The following HECTD2 variants were observed in gnomAD, a reference collection of about 807,000 sequenced individuals.
HECTD2 encodes probable E3 ubiquitin-protein ligase HECTD2.
In HECTD2, 35 loss-of-function variants were observed where a neutral mutation model predicts 103.2. The observed-to-expected ratio is 0.34, with a 90% CI of 0.26 to 0.45. The LOEUF is 0.45. Among genes scored for constraint, HECTD2 ranks in the 20% least tolerant of loss-of-function variants. The pLI, the probability that HECTD2 is intolerant of heterozygous loss-of-function variation, is 1.00. For synonymous variants in HECTD2, 281 were observed against 329.9 expected (o/e 0.85, Z 1.61); for missense variants, 596 against 937.4 (o/e 0.64, Z 4.76).
At chr10:91,472,886 T>C (rs1845776095) in intron 5 of HECTD2, among the ~76,000 whole-genome samples, 1 of 152,020 alleles carries the variant, frequency 6.6e-6, no homozygotes, top group African/African-American at 2.4e-5. Context: ...TGGAGACTGC[T>C]GGAAAAAGAA....
At chr10:91,433,262 C>G (rs1843971154) in intron 2 of HECTD2, among the ~76,000 whole-genome samples, 1 of 151,916 alleles carries the variant, frequency 6.6e-6, no homozygotes, top group African/African-American at 2.4e-5. Context: ...GGTAACACAT[C>G]TATTTGTTTC....
chr10:91,449,955 A>G (rs1320828036), intron 2 of HECTD2, among the ~76,000 whole-genome samples: 1 of 152,216 alleles, frequency 6.6e-6, no homozygotes, highest in Admixed American at 6.5e-5. Context: ...CATACTGCCC[A>G]AAGTAATTTA....
At position 91,473,614 on chromosome 10, in the gene HECTD2, C is replaced by CA. The variant is rs1845805246; in HGVS notation, c.601-4585dup. On this transcript the variant is annotated intron_variant, in intron 5 of 20. Coordinates refer to ENST00000298068, the MANE Select transcript of HECTD2 (RefSeq NM_182765.6). ...TCTGCCATGTCTGAGACAGGAAGAC[C>CA]AACTCCTCCTCTTCAGCCTCCTCCT... Among the ~76,000 whole-genome samples, 2 of 152,140 alleles carry CA rather than the reference C, an allele frequency of 1.3e-5. 1 individual carries two copies. The highest frequency in any genetic ancestry group is 4.1e-4 in the South Asian group (2 of 4,824).
chr10:91,497,960 G>A lies in HECTD2; in HGVS notation c.1681-148G>A, dbSNP rs536201259. ...ATGATTTTTTTCTTAGCCTCTGGAT[G>A]GTAGAAATCATTAACCATTTTGTGC... On this transcript the variant is annotated intron_variant, in intron 15 of 20. Coordinates refer to ENST00000298068, the MANE Select transcript of HECTD2 (RefSeq NM_182765.6). 2.9e-5 allele frequency: 17 copies of A among 585,020 alleles called. No homozygotes were observed. In the East Asian group the frequency reaches 4.3e-4, roughly 15 times the overall value. The allele number at this position is 585,020 out of a possible 1,614,324, so 36.2% of individuals were successfully genotyped here.
At position 91,472,432 on chromosome 10, in the gene HECTD2, C is replaced by T. The variant is rs542472430; in HGVS notation, c.601-5769C>T. Among the ~76,000 whole-genome samples the T allele has an allele frequency of 1.1e-4, 16 of 152,072 alleles. No homozygotes were observed. The East Asian group carries it at 1.9e-3, about 18-fold the overall frequency. ...ATGAAAAAGATGCCAAAAGCAATTGCGACAAAAACAAAAATTGATGAATGT... is the reference window on the plus strand; with the variant it reads ...ATGAAAAAGATGCCAAAAGCAATTGTGACAAAAACAAAAATTGATGAATGT... On this transcript the variant is annotated intron_variant, in intron 5 of 20. Transcript: ENST00000298068.
At chr10:91,412,667 A>AGT (rs1314470659) in intron 1 of HECTD2, among the ~76,000 whole-genome samples, 4 of 56,698 alleles carry the variant, frequency 7.1e-5, no homozygotes, top group Admixed American at 1.6e-4. Flanking sequence ...TCTGTGGCAG[A>AGT]ATGTGTGTGT....
At chr10:91,462,597 T>G in intron 5 of HECTD2, 2 of 1,044,710 alleles carry the variant, frequency 1.9e-6, no homozygotes, top group Non-Finnish European at 2.3e-6. Context: ...AATTTTCATT[T>G]GTAACAAGTT....
At chr10:91,508,825 A>G (rs1350028529) in intron 20 of HECTD2, among the ~76,000 whole-genome samples, 20 of 152,024 alleles carry the variant, frequency 1.3e-4, no homozygotes, top group Non-Finnish European at 2.5e-4. Context: ...ACAGGCACAC[A>G]TATGTTTATT....
At chr10:91,438,886 G>A (rs752921165) in intron 2 of HECTD2, among the ~76,000 whole-genome samples, 53 of 152,152 alleles carry the variant, frequency 3.5e-4, no homozygotes, top group Non-Finnish European at 5.7e-4. Context: ...CTTTTAAGAG[G>A]TGTCTGTTCA....
intron 2 of HECTD2, among the ~76,000 whole-genome samples, chr10:91,455,027 C>T (rs1455856661): frequency 6.6e-6 from 1 of 152,164 alleles, no homozygotes; most frequent in Non-Finnish European, 1.5e-5. Context: ...CCGCAATAAA[C>T]ATACGTGTGC....
At chr10:91,410,038 C>A (rs1459708563), upstream of HECTD2, among the ~76,000 whole-genome samples, 1 of 152,286 alleles carries the variant, frequency 6.6e-6, no homozygotes, top group African/African-American at 2.4e-5. Context: ...CTGCGCGGCC[C>A]GGGTGCGGGG....
chr10:91,485,154 CT>C, intron 9 of HECTD2, 25 bp from the exon 10 acceptor site: 1 of 1,477,486 alleles, frequency 6.8e-7, no homozygotes, highest in Non-Finnish European at 9.2e-7. Flanking sequence ...TGGAAAAAGT[CT>C]TTATGTTAGA....
intron 2 of HECTD2, among the ~76,000 whole-genome samples, chr10:91,430,661 T>G (rs865857771): frequency 1.2e-4 from 19 of 152,112 alleles, no homozygotes; most frequent in African/African-American, 2.2e-4. Flanking sequence ...TTTGATCTTT[T>G]TTGGTTTAAA....
chr10:91,422,163 C>G (rs1589460361), intron 1 of HECTD2, among the ~76,000 whole-genome samples: 1 of 152,122 alleles, frequency 6.6e-6, no homozygotes, highest in Non-Finnish European at 1.5e-5. Flanking sequence ...AGGATAGAAT[C>G]TATACTCTGT....
intron 2 of HECTD2, among the ~76,000 whole-genome samples, chr10:91,449,860 C>G (rs200486088): frequency 2.6e-5 from 4 of 152,018 alleles, no homozygotes; most frequent in African/African-American, 9.7e-5. Flanking sequence ...ACAAATCACT[C>G]CTCAAGGAAA....
chr10:91,423,281 T>C (rs1020361745), intron 1 of HECTD2, among the ~76,000 whole-genome samples: 1 of 152,150 alleles, frequency 6.6e-6, no homozygotes, highest in Non-Finnish European at 1.5e-5. Flanking sequence ...TCTGTGAACA[T>C]GGGCATGGAA....
intron 2 of HECTD2, among the ~76,000 whole-genome samples, chr10:91,430,580 A>G (rs1411736415): frequency 2.6e-5 from 4 of 152,182 alleles, no homozygotes; most frequent in Admixed American, 2.0e-4. Flanking sequence ...GGGTGCATAT[A>G]TATTTAGGAT....
At chr10:91,418,498 T>C (rs1843221201) in intron 1 of HECTD2, among the ~76,000 whole-genome samples, 1 of 152,182 alleles carries the variant, frequency 6.6e-6, no homozygotes, top group South Asian at 2.1e-4. Context: ...AGTCTCCATT[T>C]AAAGATATGA....
intron 14 of HECTD2, 89 bp downstream of exon 14, chr10:91,493,597 C>A: frequency 1.5e-6 from 1 of 646,508 alleles, no homozygotes; most frequent in Non-Finnish European, 2.6e-6. Context: ...TTTTCTTTAG[C>A]CATTTTATCC....
Sources: gnomAD v4.1 joint callset for allele counts (sites outside exome capture counted in the v4.1 genomes callset) on GRCh38, gnomAD v4.1.1 for gene constraint, MANE v1.5 for transcripts, NCBI Gene and HGNC (gene_info 2026-07-23, HGNC 2026-07-21) for gene names.